GRIN3B: variants seen among roughly 807,000 people sequenced by gnomAD.
GRIN3B encodes the protein glutamate receptor ionotropic, NMDA 3B.
In GRIN3B, 77 loss-of-function variants were observed where a neutral mutation model predicts 66.0. The ratio of observed to expected loss-of-function variants is 1.17; its 90% confidence interval spans 0.97 to 1.41. The LOEUF (loss-of-function observed/expected upper bound fraction) is 1.41. Ranked by LOEUF, GRIN3B falls within the 40% of genes most tolerant of loss-of-function variation. The probability of loss-of-function intolerance (pLI) is 0.00; values close to 1 mark genes in which losing one functional copy is unlikely to be tolerated. For missense variants in GRIN3B, 1,787 were observed against 1,564.5 expected, an observed-to-expected ratio of 1.14 and a Z score of -2.40; for synonymous variants, 823 against 749.7, an observed-to-expected ratio of 1.10 and a Z score of -1.60.
At chr19:1,004,329 C>T (rs2038716000) in intron 2 of GRIN3B, among the ~76,000 whole-genome samples, 192 bp from the exon 3 acceptor site, 1 of 152,156 alleles carries the variant, frequency 6.6e-6, no homozygotes, top group Non-Finnish European at 1.5e-5. Flanking sequence ...ACAGCCACGG[C>T]ATCGGGCACG....
At position 1,005,471 on chromosome 19, in the gene GRIN3B, T is replaced by C; in HGVS notation, c.1970T>C (p.Leu657Pro). 1 of 1,613,400 alleles carries C rather than the reference T, an allele frequency of 6.2e-7. No homozygotes were observed. The highest frequency in any genetic ancestry group is 8.5e-7 in the Non-Finnish European group (1 of 1,179,976). Residue 657 changes from leucine to proline, a missense_variant, in exon 3 of 9, where the codon CTG (leucine) becomes CCG (proline). Transcript: ENST00000234389. This position sits in a 1 kb window ranked among gnomAD's most constrained non-coding sequence, Gnocchi z 5.2. ...TGGGCCATCTTCTGCCTGCTGGTGC[T>C]GTCCAGCTACACGGCCAACCTGGCT... ...NLWAIFCLLV[L>P]SSYTANLAAV...
rs762202686 is a variant in GRIN3B at position 1,008,869 on chromosome 19, G to T, written c.2644G>T (p.Ala882Ser). Reference sequence around the variant, plus strand: ...TCTGGGGTCTTAGAAAATCCACCGCGCCCTCAACACGGAGCCACCAGAGGG... The same window carrying T: ...TCTGGGGTCTTAGAAAATCCACCGCTCCCTCAACACGGAGCCACCAGAGGG... Reference protein sequence around the residue: ...WLHTSQKIHRALNTEPPEGSK... With the variant: ...WLHTSQKIHRSLNTEPPEGSK... Residue 882 changes from alanine to serine, a missense_variant, in exon 8 of 9, where the codon GCC (alanine) becomes TCC (serine). Physicochemically the swap from Ala to Ser is moderately conservative, Grantham distance 99. Transcript: ENST00000234389. 3.7e-6 allele frequency: 6 copies of T among 1,608,516 alleles called. No individual in the cohort carries two copies. The African/African-American group carries it at 5.4e-5, about 14-fold the overall frequency.
rs1221914573 is a variant in GRIN3B at position 1,008,155 on chromosome 19, T to A, written c.2330T>A (p.Leu777Gln). Residue 777 changes from leucine (L) to glutamine (Q), a missense_variant, in exon 6 of 9, where the codon CTG (leucine) becomes CAG (glutamine). Leu to Gln is a moderately radical substitution (Grantham distance 113). Transcript: ENST00000234389. The stretch of plus-strand genomic sequence containing the variant: ...GCGCCCCCAGGCTATGGGATCGGAC[T>A]GCCCCAGAACTCGCCGCTCACCTCC... ...PFAIEGYGIG[L>Q]PQNSPLTSNL... is the part of the protein sequence containing the mutation. The A allele has an allele frequency of 3.1e-6, 5 of 1,598,860 alleles. No homozygotes were observed. Among genetic ancestry groups the A allele is most frequent in the Non-Finnish European group, 4.3e-6 (5 of 1,173,392 alleles).
In GRIN3B at chr19:1,003,608, G is replaced by A. The variant is rs778769818; in HGVS notation, c.905G>A (p.Arg302Gln). 1.4e-5 allele frequency: 21 copies of A among 1,452,358 alleles called. No homozygotes were observed. The highest frequency in any genetic ancestry group is 7.0e-5 in the South Asian group (5 of 71,650). 90.0% of individuals were successfully genotyped at this position (1,452,358 alleles called of 1,614,324 possible). ...CATGACATTGTGCAACTGGTGGCCC[G>A]GGCGCTGGGCAGTGCGGCCCAGGTG... is the stretch of plus-strand genomic sequence containing the variant. ...AIHDIVQLVA[R>Q]ALGSAAQVQP... Residue 302 changes from arginine (R) to glutamine (Q), a missense_variant, in exon 2 of 9, where the codon CGG (arginine) becomes CAG (glutamine). Arg to Gln is a conservative substitution (Grantham distance 43, BLOSUM62 1). Coordinates refer to ENST00000234389, the MANE Select transcript of GRIN3B (RefSeq NM_138690.3).
At position 1,007,922 on chromosome 19, in the gene GRIN3B, C is replaced by G; in HGVS notation, c.2265C>G (p.Ile755Met). The G allele has an allele frequency of 1.2e-6, 2 of 1,612,098 alleles. No homozygotes were observed. Among genetic ancestry groups the G allele is most frequent in the Non-Finnish European group, 1.7e-6 (2 of 1,179,660 alleles). Residue 755 changes from isoleucine to methionine, a missense_variant, in exon 5 of 9, where the codon ATC becomes ATG. By Grantham distance (10) the Ile-to-Met change is conservative. Coordinates refer to ENST00000234389, the MANE Select transcript of GRIN3B (RefSeq NM_138690.3). This position sits in a 1 kb window ranked among gnomAD's most constrained non-coding sequence, Gnocchi z 4.4. ...DKSLLDYEVS[I>M]DADCKLLTVG... is the part of the protein sequence containing the mutation. ...CGCTCCTGGACTACGAGGTCTCCAT[C>G]GACGCCGACTGCAAACTGCTGACCG...
Position 1,004,995 on chromosome 19 carries a change from C to T in GRIN3B, c.1494C>T (p.Tyr498=), listed in dbSNP as rs557297164. ...ACACGCCCTTCGACTTCGAGCTGTACCTCGTGGGTGACGGCAAGTACGGCG... is the reference window on the plus strand; with the variant it reads ...ACACGCCCTTCGACTTCGAGCTGTATCTCGTGGGTGACGGCAAGTACGGCG... ...AEDTPFDFEL[Y]LVGDGKYGAL... is the part of the protein sequence containing the mutation. The change falls in exon 3 of 9, where the codon TAC becomes TAT. Residue 498 remains tyrosine (Y), a synonymous_variant. Coordinates refer to ENST00000234389, the MANE Select transcript of GRIN3B (RefSeq NM_138690.3). 62 of 1,612,034 alleles carry T rather than the reference C, an allele frequency of 3.8e-5. No individual in the cohort carries two copies. In the Middle Eastern group the frequency reaches 6.6e-4, roughly 17 times the overall value.
At chr19:1,004,448 C>A in intron 2 of GRIN3B, 73 bp from the exon 3 acceptor site, 11 of 1,322,080 alleles carry the variant, frequency 8.3e-6, no homozygotes, top group Non-Finnish European at 1.1e-5. Context: ...GAATCGGGCA[C>A]GTGCTGGGCA....
At position 1,008,645 on chromosome 19, in the gene GRIN3B, G is replaced by C. The variant is rs867266865; in HGVS notation, c.2494G>C (p.Ala832Pro). Residue 832 changes from alanine (A) to proline (P), a missense_variant, in exon 7 of 9, where the codon GCG becomes CCG. Physicochemically the swap from Ala to Pro is conservative, Grantham distance 27. Transcript: ENST00000234389. ...ETLQMSIYHF[A>P]GLFVLLCLGL... ...CCTGCAGATGAGCATCTACCACTTC[G>C]CGGGCCTCTTCGTGTTGCTGTGCCT... 19 of 1,601,808 alleles carry C rather than the reference G, an allele frequency of 1.2e-5. No homozygotes were observed. In the Middle Eastern group the frequency reaches 2.3e-3, roughly 197 times the overall value.
intron 2 of GRIN3B, among the ~76,000 whole-genome samples, chr19:1,003,992 G>C (rs926245434): frequency 3.3e-5 from 5 of 152,252 alleles, no homozygotes; most frequent in Non-Finnish European, 5.9e-5. Context: ...AGGAGGCTGA[G>C]ATGAGAGAAT....
At position 1,000,840 on chromosome 19, in the gene GRIN3B, G is replaced by A; in HGVS notation, c.403G>A (p.Ala135Thr). The change falls in exon 1 of 9, where the codon GCG becomes ACG. Residue 135 changes from alanine to threonine, a missense_variant. Ala to Thr is a moderately conservative substitution (Grantham distance 58, BLOSUM62 0). Coordinates refer to ENST00000234389, the MANE Select transcript of GRIN3B (RefSeq NM_138690.3). ...TPVLSLLRRE[A>T]RAPLGAPNPF... ...CGTGCTCAGCCTGCTGCGGCGGGAG[G>A]CGCGCGCGCCCCTCGGAGCCCCGGT... is the stretch of plus-strand genomic sequence containing the variant. The A allele has an allele frequency of 1.4e-6, 2 of 1,433,236 alleles. No individual in the cohort carries two copies. The highest frequency in any genetic ancestry group is 1.8e-6 in the Non-Finnish European group (2 of 1,099,394). The allele number at this position is 1,433,236 out of a possible 1,614,324, so 88.8% of individuals were successfully genotyped here.
rs2038821542 is a variant in GRIN3B, at chr19:1,009,504, GGGGACA to G, written c.3036_3041del (p.Asp1013_Ser1014del). ...GCGCGGCCAGCTCCTGGCACAGCTC[GGGGACA>G]GCGCACGTCACCGGCCTCGGCGCTT... On this transcript the variant is annotated inframe_deletion, in exon 9 of 9. Transcript: ENST00000234389. The G allele has an allele frequency of 6.7e-7, 1 of 1,495,478 alleles. No homozygotes were observed. Among genetic ancestry groups the G allele is most frequent in the Non-Finnish European group, 8.9e-7 (1 of 1,128,414 alleles). The allele number at this position is 1,495,478 out of a possible 1,614,324, so 92.6% of individuals were successfully genotyped here.
Position 1,000,829 on chromosome 19 carries a change from T to A in GRIN3B, c.392T>A (p.Leu131Gln). The stretch of plus-strand genomic sequence containing the variant: ...ACCGAGACCCCCGTGCTCAGCCTGC[T>A]GCGGCGGGAGGCGCGCGCGCCCCTC... ...AATETPVLSL[L>Q]RREARAPLGA... Residue 131 changes from leucine to glutamine, a missense_variant, in exon 1 of 9, where the codon CTG becomes CAG. Transcript: ENST00000234389. The A allele has an allele frequency of 1.4e-6, 2 of 1,439,482 alleles. No homozygotes were observed. Among genetic ancestry groups the A allele is most frequent in the Non-Finnish European group, 1.8e-6 (2 of 1,102,686 alleles). 89.2% of individuals were successfully genotyped at this position (1,439,482 alleles called of 1,614,324 possible).
At chr19:1,002,921 G>A (rs2038697893) in intron 1 of GRIN3B, among the ~76,000 whole-genome samples, 1 of 152,140 alleles carries the variant, frequency 6.6e-6, no homozygotes, top group Non-Finnish European at 1.5e-5. Context: ...AAGGGTAGCT[G>A]GAGCCAAGAG....
Position 1,005,651 on chromosome 19 carries a change from C to A in GRIN3B, c.2052+98C>A. On this transcript the variant is annotated intron_variant, in intron 3 of 8. Transcript: ENST00000234389. The surrounding 1 kb of genome is among the most constrained non-coding windows in gnomAD (Gnocchi z 5.2). ...GGGGTGGTCAGCTGGACGTGGAGGA[C>A]GTCCACTAGGCCAACTCTGGTCCCA... The A allele has an allele frequency of 3.3e-6, 3 of 919,530 alleles. No individual in the cohort carries two copies. Among genetic ancestry groups the A allele is most frequent in the Non-Finnish European group, 4.8e-6 (3 of 621,526 alleles). The allele number at this position is 919,530 out of a possible 1,614,324, so 57.0% of individuals were successfully genotyped here. A position where few individuals can be genotyped will look rare whatever the true frequency, so the allele number is the denominator to read the frequency against.
intron 1 of GRIN3B, among the ~76,000 whole-genome samples, chr19:1,001,460 C>T (rs1355138963): frequency 6.6e-6 from 1 of 151,794 alleles, no homozygotes; most frequent in Non-Finnish European, 1.5e-5. Flanking sequence ...CTTCAAGTTC[C>T]TCTCTTCTAA....
At chr19:1,008,973 C>A (rs772663239) in intron 8 of GRIN3B, 46 bp downstream of exon 8, 3 of 1,555,692 alleles carry the variant, frequency 1.9e-6, no homozygotes, top group Non-Finnish European at 2.6e-6. Flanking sequence ...CACCCAGACC[C>A]ACCACCCCAC....
Position 1,005,532 on chromosome 19 carries a change from G to A in GRIN3B, c.2031G>A (p.Leu677=), listed in dbSNP as rs12973948. Residue 677 remains leucine (L), a synonymous_variant, in exon 3 of 9, where the codon CTG becomes CTA. Coordinates refer to ENST00000234389, the MANE Select transcript of GRIN3B (RefSeq NM_138690.3). This position sits in a 1 kb window ranked among gnomAD's most constrained non-coding sequence, Gnocchi z 5.2. ...TCGGGGACAAGACCTTCGAGGAGCT[G>A]TCGGGGATCCACGACCCCAAGGTGG... ...VMVGDKTFEE[L]SGIHDPKLHH... 4 of 1,605,776 alleles carry A rather than the reference G, an allele frequency of 2.5e-6. No individual in the cohort carries two copies. The highest frequency in any genetic ancestry group is 2.6e-6 in the Non-Finnish European group (3 of 1,175,444).
At position 1,003,466 on chromosome 19, in the gene GRIN3B, G is replaced by A. The variant is rs753790329; in HGVS notation, c.763G>A (p.Gly255Ser). 3.1e-5 allele frequency: 47 copies of A among 1,537,778 alleles called. No individual in the cohort carries two copies. Among genetic ancestry groups the A allele is most frequent in the Middle Eastern group, 1.7e-4 (1 of 5,960 alleles). Residue 255 changes from glycine (G) to serine (S), a missense_variant, in exon 2 of 9, where the codon GGC (glycine) becomes AGC (serine). Physicochemically the swap from Gly to Ser is moderately conservative, Grantham distance 56. Coordinates refer to ENST00000234389, the MANE Select transcript of GRIN3B (RefSeq NM_138690.3). The stretch of plus-strand genomic sequence containing the variant: ...TCGGGTGCTGGAGGCCGTACCTCCC[G>A]GCCCCCACTGGCTGTTGGGGACACC... The part of the protein sequence containing the change: ...ARRVLEAVPP[G>S]PHWLLGTPLP...
rs148869332 is a variant in GRIN3B, at chr19:1,006,073, C to T, written c.2052+520C>T. The stretch of plus-strand genomic sequence containing the variant: ...CTATGTTGTTCAGGCTGGTCTCAAA[C>T]GCCGGGGCTCAAGCAGTTCTCCCAC... On this transcript the variant is annotated intron_variant, in intron 3 of 8. Transcript: ENST00000234389. 6.0e-3 allele frequency among the ~76,000 whole-genome samples: 920 copies of T among 152,336 alleles called. 8 individuals carry two copies. The highest frequency in any genetic ancestry group is 0.029 in the South Asian group (141 of 4,834).
Sources: gnomAD v4.1 joint callset for allele counts (sites outside exome capture counted in the v4.1 genomes callset) on GRCh38, gnomAD v4.1.1 for gene constraint, Gnocchi (gnomAD v3.1) non-coding constraint, MANE v1.5 for transcripts, NCBI Gene and HGNC (gene_info 2026-07-23, HGNC 2026-07-21) for gene names.